ATP2C2: variants seen among roughly 807,000 people sequenced by gnomAD.
The protein encoded by ATP2C2 is ATPase secretory pathway Ca2+ transporting 2, also known as calcium-transporting ATPase type 2C member 2.
Under a neutral mutation model 110.8 loss-of-function variants are expected in ATP2C2, and 171 were observed. The ratio of observed to expected loss-of-function variants is 1.54; its 90% confidence interval spans 1.36 to 1.75. The LOEUF is 1.75. Ranked by LOEUF, ATP2C2 falls within the 40% of genes most tolerant of loss-of-function variation. The pLI is 0.00. For missense variants in ATP2C2, 1,963 were observed against 1,235.0 expected, an observed-to-expected ratio of 1.59 and a Z score of -8.84; for synonymous variants, 804 against 508.4, an observed-to-expected ratio of 1.58 and a Z score of -7.82.
chr16:84,442,543 A>T lies in ATP2C2; in HGVS notation c.1345A>T (p.Lys449Ter), dbSNP rs1909362884. 2 of 1,614,092 alleles carry T rather than the reference A, an allele frequency of 1.2e-6. No individual in the cohort carries two copies. Among genetic ancestry groups the T allele is most frequent in the Non-Finnish European group, 1.7e-6 (2 of 1,179,964 alleles). ...TGTTGCCAACAATGCGGTCATCAGA[A>T]AGAACGCCGTGATGGGGCAGCCCAC... ...GCVANNAVIR[K>*]NAVMGQPTEG... Residue 449 changes from lysine (K) to a stop codon, truncating the protein, a stop_gained, in exon 15 of 27, where the codon AAG (lysine) becomes TAG (stop). Coordinates refer to ENST00000262429, the MANE Select transcript of ATP2C2 (RefSeq NM_014861.4). LOFTEE classifies it high-confidence loss of function.
rs546701401 is a variant in ATP2C2, at chr16:84,431,927, C to T, written c.986+6126C>T. Reference sequence around the variant, plus strand: ...GGAGGAAGGGGGCACTGGAGCAGGACGCCGAGCTGTGCTGGGGACAGTGGG... The same window carrying T: ...GGAGGAAGGGGGCACTGGAGCAGGATGCCGAGCTGTGCTGGGGACAGTGGG... On this transcript the variant is annotated intron_variant, in intron 11 of 26. Coordinates refer to ENST00000262429, the MANE Select transcript of ATP2C2 (RefSeq NM_014861.4). Among the ~76,000 whole-genome samples the T allele has an allele frequency of 1.6e-4, 25 of 152,148 alleles. No homozygotes were observed. The South Asian group carries it at 5.2e-3, about 32-fold the overall frequency.
At chr16:84,378,844 G>T (rs1910405823) in intron 1 of ATP2C2, among the ~76,000 whole-genome samples, 1 of 152,200 alleles carries the variant, frequency 6.6e-6, no homozygotes, top group South Asian at 2.1e-4. Context: ...CGTGGAGCCG[G>T]GCCTGGTGGG....
chr16:84,458,895 G>A (rs1910958549), intron 21 of ATP2C2, among the ~76,000 whole-genome samples: 1 of 152,142 alleles, frequency 6.6e-6, no homozygotes, highest in South Asian at 2.1e-4. Context: ...GGCACAGAAG[G>A]GCGAACATGG....
rs527505377 is a variant in ATP2C2, at chr16:84,423,159, C to T, written c.844-29C>T. ...GGCAGGCAGAAGCTAGGATCTTGTC[C>T]AACTAACCCATTGTGCTCACCCTTT... is the stretch of plus-strand genomic sequence containing the variant. On this transcript the variant is annotated intron_variant, in intron 9 of 26. Coordinates refer to ENST00000262429, the MANE Select transcript of ATP2C2 (RefSeq NM_014861.4). 7.0e-5 allele frequency: 112 copies of T among 1,598,270 alleles called. No homozygotes were observed. In the South Asian group the frequency reaches 1.1e-3, roughly 16 times the overall value.
chr16:84,400,882 A>C (rs1041731509), intron 2 of ATP2C2, among the ~76,000 whole-genome samples: 2 of 152,170 alleles, frequency 1.3e-5, no homozygotes, highest in African/African-American at 4.8e-5. Context: ...AGGAATGTCT[A>C]TCCAGATCTT....
chr16:84,372,045 G>C (rs1436665257), intron 1 of ATP2C2, among the ~76,000 whole-genome samples: 1 of 152,192 alleles, frequency 6.6e-6, no homozygotes, highest in Non-Finnish European at 1.5e-5. Context: ...ATGAAGGGCA[G>C]GGATTGACAG....
intron 6 of ATP2C2, among the ~76,000 whole-genome samples, chr16:84,413,484 C>T (rs982175528): frequency 2.6e-5 from 4 of 152,126 alleles, no homozygotes; most frequent in Non-Finnish European, 5.9e-5. Context: ...TGTCTGGGCT[C>T]GCTGGTCGGA....
chr16:84,455,073 G>GGT, intron 21 of ATP2C2, 89 bp downstream of exon 21: 2 of 1,521,340 alleles, frequency 1.3e-6, no homozygotes, highest in South Asian at 1.2e-5. Context: ...GAGATAGAGG[G>GGT]GGGGGTCTCG....
In ATP2C2 at chr16:84,421,891, T is replaced by C. The variant is rs145317353; in HGVS notation, c.625-499T>C. On this transcript the variant is annotated intron_variant, in intron 7 of 26. Transcript: ENST00000262429. ...AGGGCCTGGTGTGTAGTCAGTGTTCTGCAAATGTCAGTATCTCCCTTCCCT... is the reference window on the plus strand; with the variant it reads ...AGGGCCTGGTGTGTAGTCAGTGTTCCGCAAATGTCAGTATCTCCCTTCCCT... Among the ~76,000 whole-genome samples the C allele has an allele frequency of 4.7e-3, 709 of 152,278 alleles. 5 individuals carry two copies. Among genetic ancestry groups the C allele is most frequent in the African/African-American group, 0.016 (682 of 41,558 alleles).
At chr16:84,437,735 C>T (rs1323289008) in intron 11 of ATP2C2, among the ~76,000 whole-genome samples, 2 of 152,202 alleles carry the variant, frequency 1.3e-5, no homozygotes, top group African/African-American at 4.8e-5. Flanking sequence ...AGGTTGGTCT[C>T]AAACTCCTGA....
intron 17 of ATP2C2, among the ~76,000 whole-genome samples, chr16:84,450,234 C>G (rs1356214854): frequency 6.6e-6 from 1 of 152,186 alleles, no homozygotes; most frequent in Non-Finnish European, 1.5e-5. Flanking sequence ...GGGAACTGGC[C>G]TTAGAGAAGG....
Sources: gnomAD v4.1 joint callset for allele counts (sites outside exome capture counted in the v4.1 genomes callset) on GRCh38, gnomAD v4.1.1 for gene constraint, MANE v1.5 for transcripts, NCBI Gene and HGNC (gene_info 2026-07-23, HGNC 2026-07-21) for gene names.